UBR3: variants seen among roughly 807,000 people sequenced by gnomAD.
UBR3 encodes E3 ubiquitin-protein ligase UBR3.
A neutral mutation model predicts 243.2 loss-of-function variants in UBR3; 85 were observed. The observed-to-expected ratio is 0.35, with a 90% CI of 0.29 to 0.42. UBR3 has a LOEUF of 0.42. UBR3 is among the 10% of genes least tolerant of loss of function. The pLI is 1.00. For missense variants in UBR3, 1,686 were observed against 2,300.8 expected, an observed-to-expected ratio of 0.73 and a Z score of 5.47; for synonymous variants, 748 against 799.8, an observed-to-expected ratio of 0.94 and a Z score of 1.09.
chr2:169,915,705 T>C (rs1436179786), intron 11 of UBR3, among the ~76,000 whole-genome samples: 1 of 152,252 alleles, frequency 6.6e-6, no homozygotes, highest in Non-Finnish European at 1.5e-5. Context: ...CTTTGATCAC[T>C]TGATTAGGGT....
chr2:169,962,516 G>T (rs80107975), intron 24 of UBR3, among the ~76,000 whole-genome samples: 1 of 151,818 alleles, frequency 6.6e-6, no homozygotes, highest in Non-Finnish European at 1.5e-5. Flanking sequence ...TGAGCATCAG[G>T]GTATTTTGTT....
intron 23 of UBR3, among the ~76,000 whole-genome samples, chr2:169,957,343 A>C (rs1481806921): frequency 6.6e-6 from 1 of 152,094 alleles, no homozygotes; most frequent in Non-Finnish European, 1.5e-5. Context: ...CTGGATTAAG[A>C]AAATGTGGCA....
intron 11 of UBR3, among the ~76,000 whole-genome samples, chr2:169,917,781 C>T (rs1486468827): frequency 2.0e-5 from 3 of 152,150 alleles, no homozygotes; most frequent in African/African-American, 7.2e-5. Context: ...TGGCTCACTG[C>T]AACCTCCACC....
At chr2:170,034,676 T>G (rs1030088894) in intron 31 of UBR3, among the ~76,000 whole-genome samples, 6 of 152,052 alleles carry the variant, frequency 3.9e-5, no homozygotes, top group African/African-American at 1.4e-4. Context: ...TCAGCTTTTT[T>G]GGGTAAATAC....
At chr2:170,072,819 A>C (rs901146361) in intron 35 of UBR3, among the ~76,000 whole-genome samples, 8 of 152,092 alleles carry the variant, frequency 5.3e-5, no homozygotes, top group African/African-American at 1.9e-4. Context: ...ATTGGGGAAT[A>C]TATTTCTGTG....
intron 1 of UBR3, among the ~76,000 whole-genome samples, chr2:169,862,855 T>G (rs1482058170): frequency 1.3e-5 from 2 of 152,182 alleles, no homozygotes; most frequent in East Asian, 3.8e-4. Context: ...GGGCACAGAT[T>G]ATATCATCAG....
chr2:169,927,713 A>G (rs1205699987), intron 17 of UBR3, among the ~76,000 whole-genome samples: 1 of 152,110 alleles, frequency 6.6e-6, no homozygotes, highest in East Asian at 1.9e-4. Flanking sequence ...TGAACGTTTT[A>G]TAAAAGGCAG....
intron 24 of UBR3, among the ~76,000 whole-genome samples, chr2:169,967,803 C>G (rs11682796): frequency 0.98 from 149,126 of 152,158 alleles, 73,131 homozygotes; most frequent in East Asian, 1. Context: ...AAGCAAATAC[C>G]TATATATTTG....
chr2:169,923,357 A>G (rs2085779338), intron 11 of UBR3, among the ~76,000 whole-genome samples: 1 of 152,250 alleles, frequency 6.6e-6, no homozygotes, highest in East Asian at 1.9e-4. Flanking sequence ...CCAGTTCACT[A>G]CTTTTGAACT....
intron 18 of UBR3, 146 bp from the exon 19 acceptor site, chr2:169,932,766 G>A (rs760839701): frequency 3.5e-4 from 216 of 615,492 alleles, no homozygotes; most frequent in Non-Finnish European, 4.9e-4. Context: ...AGTAATCATG[G>A]CATCAAGCTT....
intron 20 of UBR3, among the ~76,000 whole-genome samples, chr2:169,945,908 A>G (rs2086773455): frequency 6.6e-6 from 1 of 152,164 alleles, no homozygotes; most frequent in African/African-American, 2.4e-5. Flanking sequence ...CAGAACTTTA[A>G]TTTTAGAGAC....
intron 5 of UBR3, among the ~76,000 whole-genome samples, chr2:169,890,525 GGAGAGA>G (rs781214598): frequency 1.2e-3 from 80 of 67,800 alleles, no homozygotes; most frequent in East Asian, 6.3e-3. Context: ...GGTTTTTCTA[GGAGAGA>G]GAGAGAGAGA....
chr2:169,830,013 T>C (rs1277232139), intron 1 of UBR3, among the ~76,000 whole-genome samples: 1 of 152,230 alleles, frequency 6.6e-6, no homozygotes, highest in African/African-American at 2.4e-5. Flanking sequence ...TTTTTGGTTA[T>C]CTTAGATGTA....
intron 1 of UBR3, among the ~76,000 whole-genome samples, chr2:169,843,109 G>A (rs918065691): frequency 1.3e-5 from 2 of 152,104 alleles, no homozygotes; most frequent in Non-Finnish European, 2.9e-5. Flanking sequence ...CTATTACCCA[G>A]TTCAAAAGCC....
intron 6 of UBR3, among the ~76,000 whole-genome samples, chr2:169,893,825 G>A (rs2084469567): frequency 6.6e-6 from 1 of 152,052 alleles, no homozygotes; most frequent in African/African-American, 2.4e-5. Flanking sequence ...GCCTCCCAAA[G>A]TGCTAGGATT....
chr2:169,989,863 C>G (rs576506080), intron 25 of UBR3, among the ~76,000 whole-genome samples: 1 of 152,130 alleles, frequency 6.6e-6, no homozygotes, highest in Non-Finnish European at 1.5e-5. Context: ...TCTTTGTTCA[C>G]TGAGAGCTTA....
chr2:169,969,951 T>C (rs1255210407), intron 24 of UBR3, among the ~76,000 whole-genome samples: 1 of 151,252 alleles, frequency 6.6e-6, no homozygotes, highest in African/African-American at 2.4e-5. Flanking sequence ...TTTTTTTTTT[T>C]TTTTTTGGCT....
chr2:170,067,783 T>TC (rs1343498218), intron 35 of UBR3, among the ~76,000 whole-genome samples: 1 of 151,560 alleles, frequency 6.6e-6, no homozygotes, highest in South Asian at 2.1e-4. Context: ...TTTTTTTTTT[T>TC]TTTTTTGAGA....
chr2:169,979,908 G>T (rs985885845), intron 24 of UBR3, among the ~76,000 whole-genome samples: 1 of 152,138 alleles, frequency 6.6e-6, no homozygotes, highest in African/African-American at 2.4e-5. Context: ...TAGGAGTTGG[G>T]GTGATCCCAG....
Sources: allele counts gnomAD v4.1 joint callset (sites outside exome capture counted in the v4.1 genomes callset), GRCh38; gene constraint gnomAD v4.1.1; transcripts MANE v1.5; gene names NCBI Gene and HGNC (gene_info 2026-07-23, HGNC 2026-07-21).